TRRAP: variants seen among roughly 807,000 people sequenced by gnomAD.
The protein encoded by TRRAP is transformation/transcription domain associated protein, also known as transformation/transcription domain-associated protein.
In TRRAP, 41 loss-of-function variants were observed where a neutral mutation model predicts 438.8. That is an observed-to-expected ratio of 0.09 (90% CI 0.07 to 0.12). The LOEUF is 0.12. Among genes scored for constraint, TRRAP ranks in the 10% least tolerant of loss-of-function variants. TRRAP has a pLI of 1.00. For synonymous variants in TRRAP, 1,994 were observed against 1,962.9 expected, an observed-to-expected ratio of 1.02 and a Z score of -0.42; for missense variants, 3,122 against 5,055.1, an observed-to-expected ratio of 0.62 and a Z score of 11.60.
chr7:98,910,670 ATAG>A lies in TRRAP; in HGVS notation c.1812+65_1812+67del. ...AAAGTACCTCTTAGTATTAGAGGTC[ATAG>A]TGGTGGGGTGGCAGTGAGAGCTGTT... is the stretch of plus-strand genomic sequence containing the variant. On this transcript the variant is annotated intron_variant, in intron 16 of 72. Coordinates refer to ENST00000456197, the MANE Select transcript of TRRAP (RefSeq NM_001375524.1). The A allele has an allele frequency of 3.6e-6, 5 of 1,381,200 alleles. 1 individual carries two copies. In the South Asian group the frequency reaches 6.8e-5, roughly 19 times the overall value. 85.6% of individuals were successfully genotyped at this position (1,381,200 alleles called of 1,614,324 possible).
intron 30 of TRRAP, among the ~76,000 whole-genome samples, chr7:98,938,333 T>C (rs117999240): frequency 0.028 from 4,190 of 152,154 alleles, 84 homozygotes; most frequent in South Asian, 0.055. Flanking sequence ...AGCAAGACCC[T>C]GCCTCAAAAA....
chr7:98,890,898 T>G (rs1554404753), intron 4 of TRRAP, among the ~76,000 whole-genome samples: 1 of 149,404 alleles, frequency 6.7e-6, no homozygotes, highest in Admixed American at 6.7e-5. Context: ...TCAGGTGATC[T>G]TCCCACCTCA....
At chr7:98,940,766 C>T (rs1488919083) in intron 30 of TRRAP, among the ~76,000 whole-genome samples, 1 of 152,180 alleles carries the variant, frequency 6.6e-6, no homozygotes, top group East Asian at 1.9e-4. Context: ...CGCTTAGTGG[C>T]AGAGGTCTTC....
intron 3 of TRRAP, among the ~76,000 whole-genome samples, chr7:98,885,650 T>C (rs981089421): frequency 6.6e-6 from 1 of 151,850 alleles, no homozygotes; most frequent in Non-Finnish European, 1.5e-5. Flanking sequence ...CTCAAGCTGC[T>C]AAAACAAGCT....
At chr7:98,895,103 T>C (rs988158160) in intron 6 of TRRAP, among the ~76,000 whole-genome samples, 1 of 152,134 alleles carries the variant, frequency 6.6e-6, no homozygotes, top group Non-Finnish European at 1.5e-5. Context: ...ACAGAGTCTG[T>C]CTATGTTGCC....
In TRRAP at chr7:98,962,351, A is replaced by G. The variant is rs1164190202; in HGVS notation, c.6753A>G (p.Ala2251=). 1 of 1,614,054 alleles carries G rather than the reference A, an allele frequency of 6.2e-7. No homozygotes were observed. The highest frequency in any genetic ancestry group is 1.3e-5 in the African/African-American group (1 of 74,912). ...ATGAAGAGCTGGAGTGCCTCTACGCAGCCGTCGGAAAGGTCATCTATGAAG... is the reference window on the plus strand; with the variant it reads ...ATGAAGAGCTGGAGTGCCTCTACGCGGCCGTCGGAAAGGTCATCTATGAAG... The part of the protein sequence containing the change: ...SKYEELECLY[A]AVGKVIYEGL... Residue 2251 remains alanine, a synonymous_variant, in exon 47 of 73, where the codon GCA becomes GCG. Transcript: ENST00000456197.
At position 98,994,149 on chromosome 7, in the gene TRRAP, TGACA is replaced by T. The variant is rs1793542903; in HGVS notation, c.10047+415_10047+418del. ...CCTTAATAACGTTGGCTTAAGCTGA[TGACA>T]GAATAGTCCACGCCTCACTGCCCAG... On this transcript the variant is annotated intron_variant, in intron 66 of 72. Coordinates refer to ENST00000456197, the MANE Select transcript of TRRAP (RefSeq NM_001375524.1). This position sits in a 1 kb window ranked among gnomAD's most constrained non-coding sequence, Gnocchi z 4.8. Among the ~76,000 whole-genome samples, 4 of 152,206 alleles carry T rather than the reference TGACA, an allele frequency of 2.6e-5. No individual in the cohort carries two copies.
chr7:98,888,267 C>T (rs1023770302), intron 3 of TRRAP, among the ~76,000 whole-genome samples: 4 of 147,728 alleles, frequency 2.7e-5, no homozygotes, highest in Middle Eastern at 3.6e-3. Flanking sequence ...CCAGATGTGG[C>T]GGCTCATGCC....
Position 98,978,699 on chromosome 7 carries a change from G to A in TRRAP, c.8499-70G>A, listed in dbSNP as rs1562969077. 3.1e-6 allele frequency: 5 copies of A among 1,602,888 alleles called. No homozygotes were observed. In the East Asian group the frequency reaches 1.1e-4, roughly 36 times the overall value. On this transcript the variant is annotated intron_variant, in intron 57 of 72. Transcript: ENST00000456197. ...ATGGAAATTTGCTCCTTAAAACCCT[G>A]TCCCTGCCTTTGTGAATTCATGAGT...
intron 13 of TRRAP, among the ~76,000 whole-genome samples, chr7:98,907,166 A>C (rs1796810245): frequency 6.6e-6 from 1 of 152,138 alleles, no homozygotes; most frequent in South Asian, 2.1e-4. Context: ...TCTACTAAAA[A>C]TACAAAATTA....
chr7:98,897,859 C>G lies in TRRAP; in HGVS notation c.626C>G (p.Thr209Ser). Residue 209 changes from threonine to serine, a missense_variant, in exon 8 of 73, where the codon ACT becomes AGT. By Grantham distance (58) the Thr-to-Ser change is moderately conservative (BLOSUM62 1). This residue lies in a region of TRRAP where 343 missense variants were observed against 564.0 expected (regional missense o/e 0.61). Transcript: ENST00000456197. ...AACCCGGAGCGTGAGGACAGTGAGA[C>G]TCGAACAGTAAGTGTTTCGCTGAGT... is the stretch of plus-strand genomic sequence containing the variant. Reference protein sequence around the residue: ...KVNPEREDSETRTHSIIPRGS... With the variant: ...KVNPEREDSESRTHSIIPRGS... 1.2e-6 allele frequency: 2 copies of G among 1,613,990 alleles called. No individual in the cohort carries two copies. The highest frequency in any genetic ancestry group is 1.7e-6 in the Non-Finnish European group (2 of 1,179,982).
chr7:98,883,521 A>G (rs904719064), intron 3 of TRRAP, among the ~76,000 whole-genome samples: 6 of 152,064 alleles, frequency 3.9e-5, no homozygotes, highest in Admixed American at 2.0e-4. Flanking sequence ...TTTGTCTAGT[A>G]ATTTATATAT....
At chr7:98,965,121 C>T (rs1745814855) in intron 48 of TRRAP, among the ~76,000 whole-genome samples, 1 of 152,242 alleles carries the variant, frequency 6.6e-6, no homozygotes. Context: ...GAGACTCTCT[C>T]TCACGTGTGC....
chr7:98,944,650 AG>A (rs1257836678), intron 31 of TRRAP, among the ~76,000 whole-genome samples: 1 of 152,226 alleles, frequency 6.6e-6, no homozygotes, highest in Non-Finnish European at 1.5e-5. Context: ...GCCTGGGGCC[AG>A]GCCACTGTTC....
chr7:99,004,886 A>T (rs895077586), intron 68 of TRRAP, among the ~76,000 whole-genome samples: 5 of 152,068 alleles, frequency 3.3e-5, no homozygotes, highest in Non-Finnish European at 5.9e-5. Context: ...CTTTCCTCCA[A>T]ATCTGGCTCC....
At chr7:98,992,312 A>G (rs1286887871) in intron 65 of TRRAP, 85 bp downstream of exon 65, 1 of 1,407,002 alleles carries the variant, frequency 7.1e-7, no homozygotes, top group Non-Finnish European at 1.0e-6. Flanking sequence ...CACCGCAGCC[A>G]CCCCTGCCCT....
Position 98,930,023 on chromosome 7 carries a change from C to T in TRRAP, c.3210C>T (p.Ser1070=). 6.2e-7 allele frequency: 1 copy of T among 1,614,166 alleles called. No individual in the cohort carries two copies. The highest frequency in any genetic ancestry group is 8.5e-7 in the Non-Finnish European group (1 of 1,180,032). ...TGCTGCCTTGCTACCAGGTGGGCAGCCAGCCCAGCACAGCCATGTTTCACA... is the reference window on the plus strand; with the variant it reads ...TGCTGCCTTGCTACCAGGTGGGCAGTCAGCCCAGCACAGCCATGTTTCACA... The part of the protein sequence containing the change: ...PFLLPCYQVG[S]QPSTAMFHSE... The change falls in exon 24 of 73, where the codon AGC becomes AGT. Residue 1070 remains serine (S), a synonymous_variant. Transcript: ENST00000456197.
rs559336303 is a variant in TRRAP, at chr7:98,907,443, TGATG to T, written c.1115+1192_1115+1195del. Reference sequence around the variant, plus strand: ...TATTTTACTTCCAATAAGGAAGGCGTGATGGATCTTTTAAAAAATGTTTAGGTTC... The same window carrying T: ...TATTTTACTTCCAATAAGGAAGGCGTGATCTTTTAAAAAATGTTTAGGTTC... On this transcript the variant is annotated intron_variant, in intron 13 of 72. Coordinates refer to ENST00000456197, the MANE Select transcript of TRRAP (RefSeq NM_001375524.1). 1.5e-4 allele frequency among the ~76,000 whole-genome samples: 23 copies of T among 152,354 alleles called. No individual in the cohort carries two copies. The South Asian group carries it at 4.8e-3, about 32-fold the overall frequency.
intron 65 of TRRAP, 141 bp downstream of exon 65, chr7:98,992,368 C>A (rs1419483996): frequency 2.5e-6 from 2 of 804,726 alleles, no homozygotes; most frequent in Non-Finnish European, 4.1e-6. Context: ...GTGGGCAGCA[C>A]CGTAGGGCAG....
Sources: gnomAD v4.1 joint callset for allele counts (sites outside exome capture counted in the v4.1 genomes callset) on GRCh38, gnomAD v4.1.1 for gene constraint, gnomAD v4.1.1 regional missense constraint, Gnocchi (gnomAD v3.1) non-coding constraint, MANE v1.5 for transcripts, NCBI Gene and HGNC (gene_info 2026-07-23, HGNC 2026-07-21) for gene names.